Variants in ELMO1 observed in about 807,000 individuals in gnomAD.
The protein encoded by ELMO1 is engulfment and cell motility 1, also known as engulfment and cell motility protein 1.
A neutral mutation model predicts 98.9 loss-of-function variants in ELMO1; 26 were observed. That is an observed-to-expected ratio of 0.26 (90% CI 0.19 to 0.36). The LOEUF (loss-of-function observed/expected upper bound fraction) is 0.36, where lower values mean the gene tolerates loss of function less well. Among genes scored for constraint, ELMO1 ranks in the 10% least tolerant of loss-of-function variants. The pLI, the probability that ELMO1 is intolerant of heterozygous loss-of-function variation, is 1.00. For synonymous variants in ELMO1, 346 were observed against 346.0 expected (o/e 1.00, Z 0.00); for missense variants, 627 against 935.2 (o/e 0.67, Z 4.30).
chr7:36,863,380 T>C (rs1802784659), intron 20 of ELMO1, among the ~76,000 whole-genome samples: 1 of 152,190 alleles, frequency 6.6e-6, no homozygotes, highest in Non-Finnish European at 1.5e-5. Flanking sequence ...CTTGGGCCTT[T>C]TAATTTACAA....
intron 1 of ELMO1, among the ~76,000 whole-genome samples, chr7:37,383,204 C>T (rs1802648623): frequency 1.3e-5 from 2 of 152,330 alleles, no homozygotes; most frequent in African/African-American, 4.8e-5. Context: ...GACTAAAAGC[C>T]AATCCAAGAT....
At chr7:36,916,669 T>C (rs1264388470) in intron 16 of ELMO1, among the ~76,000 whole-genome samples, 7 of 152,238 alleles carry the variant, frequency 4.6e-5, no homozygotes, top group African/African-American at 1.7e-4. Context: ...GTGGGCTAAA[T>C]TGAGGAGGGG....
chr7:37,184,682 C>A (rs1340312155), intron 13 of ELMO1, among the ~76,000 whole-genome samples: 1 of 152,004 alleles, frequency 6.6e-6, no homozygotes, highest in African/African-American at 2.4e-5. Context: ...CAGAGGTGGG[C>A]AGATCACTTG....
intron 2 of ELMO1, among the ~76,000 whole-genome samples, chr7:37,328,383 C>CAAAAAAAAA (rs10669717): frequency 0.011 from 727 of 64,734 alleles, 71 homozygotes; most frequent in Non-Finnish European, 0.015. Context: ...GACCCTGCCA[C>CAAAAAAAAA]AAAAAAAAAA....
intron 14 of ELMO1, among the ~76,000 whole-genome samples, chr7:37,102,015 TAAATA>T (rs1004113111): frequency 6.6e-6 from 1 of 152,046 alleles, no homozygotes; most frequent in African/African-American, 2.4e-5. Flanking sequence ...AATCAACAAA[TAAATA>T]AGAAGCCTTA....
At chr7:36,939,562 A>G (rs1786844087) in intron 16 of ELMO1, among the ~76,000 whole-genome samples, 1 of 152,262 alleles carries the variant, frequency 6.6e-6, no homozygotes, top group Non-Finnish European at 1.5e-5. Context: ...CACTTAACCA[A>G]GAACTACATT....
intron 14 of ELMO1, among the ~76,000 whole-genome samples, chr7:37,123,502 T>C (rs542903581): frequency 7.2e-5 from 11 of 152,272 alleles, no homozygotes; most frequent in Admixed American, 2.6e-4. Context: ...GAGAATACTA[T>C]AAACACCTCT....
intron 15 of ELMO1, among the ~76,000 whole-genome samples, chr7:37,040,067 G>T (rs73688464): frequency 0.12 from 18,793 of 152,004 alleles, 1,554 homozygotes; most frequent in African/African-American, 0.25. Context: ...TATGTGTGCG[G>T]ACTGAGCACT....
In ELMO1 at chr7:37,229,549, A is replaced by G. The variant is rs528199550; in HGVS notation, c.549+3546T>C. ...GTGGTATGAATTTGGCATTAATAGG[A>G]AGCCAACTCTAGACCACAGAGATAG... On this transcript the variant is annotated intron_variant, in intron 8 of 21. Transcript: ENST00000310758. 3.3e-5 allele frequency among the ~76,000 whole-genome samples: 5 copies of G among 152,292 alleles called. No individual in the cohort carries two copies. In the South Asian group the frequency reaches 1.0e-3, roughly 32 times the overall value.
intron 16 of ELMO1, among the ~76,000 whole-genome samples, chr7:36,930,490 G>A (rs932825502): frequency 2.0e-5 from 3 of 152,184 alleles, no homozygotes; most frequent in Non-Finnish European, 2.9e-5. Flanking sequence ...AATTACATAT[G>A]CTTTTAATTT....
At chr7:36,955,593 C>T (rs926419105) in intron 16 of ELMO1, among the ~76,000 whole-genome samples, 1 of 152,128 alleles carries the variant, frequency 6.6e-6, no homozygotes. Context: ...ATCTTGGAAA[C>T]ACATGTACAT....
chr7:37,168,108 T>A (rs4357203), intron 13 of ELMO1, among the ~76,000 whole-genome samples: 1 of 147,760 alleles, frequency 6.8e-6, no homozygotes, highest in Non-Finnish European at 1.5e-5. Context: ...ATCACTGATA[T>A]CCTTTCTTCC....
intron 13 of ELMO1, among the ~76,000 whole-genome samples, chr7:37,155,009 C>T (rs1316815362): frequency 6.6e-6 from 1 of 152,142 alleles, no homozygotes; most frequent in Non-Finnish European, 1.5e-5. Flanking sequence ...GGCCAATATT[C>T]AACATTCTTA....
intron 4 of ELMO1, among the ~76,000 whole-genome samples, chr7:37,311,429 T>A (rs1475651317): frequency 6.6e-6 from 1 of 151,966 alleles, no homozygotes; most frequent in African/African-American, 2.4e-5. Context: ...ACTAACAGCA[T>A]GCACAAGTTT....
chr7:36,967,611 A>C (rs1789557796), intron 16 of ELMO1, among the ~76,000 whole-genome samples: 1 of 152,202 alleles, frequency 6.6e-6, no homozygotes, highest in African/African-American at 2.4e-5. Context: ...CAGAGAAAGG[A>C]AAGAGCAAGA....
intron 1 of ELMO1, among the ~76,000 whole-genome samples, chr7:37,404,086 GA>G (rs1348834708): frequency 1.3e-5 from 2 of 151,506 alleles, no homozygotes; most frequent in Non-Finnish European, 2.9e-5. Flanking sequence ...TATTAATGGG[GA>G]AAAAAAGCAA....
chr7:37,178,709 C>G (rs530742899), intron 13 of ELMO1, among the ~76,000 whole-genome samples: 1 of 152,262 alleles, frequency 6.6e-6, no homozygotes, highest in South Asian at 2.1e-4. Flanking sequence ...AGAGACGTAC[C>G]TCCTCATACG....
chr7:37,021,353 T>C (rs977407136), intron 15 of ELMO1, among the ~76,000 whole-genome samples: 36 of 152,196 alleles, frequency 2.4e-4, no homozygotes, highest in African/African-American at 7.7e-4. Flanking sequence ...CTAAAAATAG[T>C]ATAAAATTTA....
chr7:36,872,179 C>G (rs1342802633), intron 19 of ELMO1, among the ~76,000 whole-genome samples: 2 of 152,184 alleles, frequency 1.3e-5, no homozygotes, highest in African/African-American at 4.8e-5. Context: ...ATTCTGTCTT[C>G]CCCTGCTGCA....
Sources: gnomAD v4.1 joint callset for allele counts (sites outside exome capture counted in the v4.1 genomes callset) on GRCh38, gnomAD v4.1.1 for gene constraint, MANE v1.5 for transcripts, NCBI Gene and HGNC (gene_info 2026-07-23, HGNC 2026-07-21) for gene names.